Variants in CERS5 observed in about 807,000 individuals in gnomAD.
CERS5 encodes the protein ceramide synthase 5.
A neutral mutation model predicts 58.9 loss-of-function variants in CERS5; 37 were observed. The ratio of observed to expected loss-of-function variants is 0.63; its 90% CI spans 0.48 to 0.83. The LOEUF is 0.83. CERS5 is among the 40% of genes least tolerant of loss of function. CERS5 has a pLI of 0.00. For missense variants in CERS5, 398 were observed against 489.3 expected (o/e 0.81, Z 1.76); for synonymous variants, 147 against 177.8 (o/e 0.83, Z 1.38).
intron 9 of CERS5, chr12:50,133,671 G>C (rs1376849451): frequency 2.0e-6 from 2 of 985,386 alleles, no homozygotes; most frequent in Non-Finnish European, 2.4e-6. Flanking sequence ...AAATGGTTGA[G>C]GCCATCTCTT....
chr12:50,159,265 G>A (rs1233435974), intron 1 of CERS5, among the ~76,000 whole-genome samples: 20 of 152,100 alleles, frequency 1.3e-4, no homozygotes, highest in Admixed American at 1.3e-3. Context: ...AGCTTGCAGT[G>A]AGCCGAGATC....
chr12:50,158,095 ATGTTTTTC>A (rs1938861437), intron 1 of CERS5, among the ~76,000 whole-genome samples: 1 of 149,954 alleles, frequency 6.7e-6, no homozygotes, highest in Non-Finnish European at 1.5e-5. Flanking sequence ...TCTGTAATAG[ATGTTTTTC>A]TCAAGGAATG....
chr12:50,148,522 G>A (rs759429427), intron 1 of CERS5: 27 of 329,172 alleles, frequency 8.2e-5, no homozygotes, highest in Middle Eastern at 7.8e-4. Context: ...TCTTGAACTC[G>A]GGAGACAGAG....
At chr12:50,133,635 A>G (rs1951456417) in intron 9 of CERS5, 1 of 985,426 alleles carries the variant, frequency 1.0e-6, no homozygotes, top group Non-Finnish European at 1.2e-6. Flanking sequence ...TATGAAATCC[A>G]CTGAAGCAGG....
At chr12:50,143,611 G>C (rs1384172321) in intron 2 of CERS5, 1 of 263,930 alleles carries the variant, frequency 3.8e-6, no homozygotes, top group African/African-American at 2.2e-5. Flanking sequence ...AACTGCAAAG[G>C]CTATCAGTAC....
chr12:50,163,960 AT>A (rs34267480), intron 1 of CERS5, among the ~76,000 whole-genome samples: 42,186 of 134,740 alleles, frequency 0.31, 6,064 homozygotes, highest in Middle Eastern at 0.41. Context: ...AGCCTCTACA[AT>A]TTTTTTTTTT....
chr12:50,158,789 A>T (rs1382500400), intron 1 of CERS5, among the ~76,000 whole-genome samples: 2 of 152,194 alleles, frequency 1.3e-5, no homozygotes, highest in African/African-American at 4.8e-5. Flanking sequence ...CTGCTTACTA[A>T]TGCTGACAAT....
At chr12:50,153,595 T>C (rs1334870908) in intron 1 of CERS5, among the ~76,000 whole-genome samples, 6 of 151,828 alleles carry the variant, frequency 4.0e-5, no homozygotes, top group Admixed American at 6.6e-5. Context: ...CATATTGACA[T>C]GTGGGACATT....
At chr12:50,156,610 T>C (rs1420401372) in intron 1 of CERS5, among the ~76,000 whole-genome samples, 2 of 151,682 alleles carry the variant, frequency 1.3e-5, no homozygotes, top group Non-Finnish European at 2.9e-5. Flanking sequence ...AAAAAATTTA[T>C]CAGTATTAGT....
rs1307035954 is a variant in CERS5 at position 50,138,716 on chromosome 12, A to AT, written c.493-100_493-99insA. ...CCTTCTCTCTAGGCTGGGGCAAAAG[A>AT]GGACAGAAAAGCCCCCAAACAGATT... On this transcript the variant is annotated intron_variant, in intron 4 of 9. Transcript: ENST00000317551. 3 of 1,025,124 alleles carry AT rather than the reference A, an allele frequency of 2.9e-6. No homozygotes were observed. In the African/African-American group the frequency reaches 4.7e-5, roughly 16 times the overall value. 63.5% of individuals were successfully genotyped at this position (1,025,124 alleles called of 1,614,324 possible).
Position 50,143,182 on chromosome 12 carries a change from TC to T in CERS5, c.325del (p.Glu109ArgfsTer107). Reference protein sequence around the residue: ...ITKYPDKKRLEGLSKQLDWNV... With the variant: ...ITKYPDKKRLXGLSKQLDWNV... ...CCAATCCAGCTGCTTTGACAGGCCCTCCAGCCTTTTCTTATCAGGATACTGT... is the reference window on the plus strand; with the variant it reads ...CCAATCCAGCTGCTTTGACAGGCCCTCAGCCTTTTCTTATCAGGATACTGT... On this transcript the variant is annotated frameshift_variant, in exon 3 of 10. Coordinates refer to ENST00000317551, the MANE Select transcript of CERS5 (RefSeq NM_147190.5). LOFTEE classifies it high-confidence loss of function. The T allele has an allele frequency of 6.2e-7, 1 of 1,614,142 alleles. No homozygotes were observed. The highest frequency in any genetic ancestry group is 1.1e-5 in the South Asian group (1 of 91,070).
At chr12:50,153,312 A>C (rs1282055453) in intron 1 of CERS5, among the ~76,000 whole-genome samples, 3 of 112,654 alleles carry the variant, frequency 2.7e-5, no homozygotes, top group Admixed American at 1.2e-4. Flanking sequence ...ACGGAGTCTC[A>C]CTCTGTTGCC....
intron 9 of CERS5, chr12:50,133,685 A>G: frequency 1.9e-5 from 19 of 985,582 alleles, no homozygotes; most frequent in Non-Finnish European, 2.3e-5. Context: ...ATCTCTTAAA[A>G]AACTCTTAAC....
intron 1 of CERS5, chr12:50,144,944 G>T (rs749669785): frequency 2.1e-4 from 87 of 411,284 alleles, no homozygotes; most frequent in Non-Finnish European, 3.1e-4. Flanking sequence ...GACCAGCCTG[G>T]TCAACATAGT....
chr12:50,134,167 G>C (rs754523115), intron 9 of CERS5: 3 of 285,992 alleles, frequency 1.0e-5, no homozygotes, highest in Non-Finnish European at 2.0e-5. Flanking sequence ...GACTGCTTGA[G>C]GCCAGTAGTT....
chr12:50,142,160 C>A, intron 3 of CERS5, 50 bp from the exon 4 acceptor site: 1 of 1,287,884 alleles, frequency 7.8e-7, no homozygotes, highest in African/African-American at 1.5e-5. Context: ...CAAACCAAAG[C>A]CTCTGAGGCT....
In CERS5 at chr12:50,141,954, A is replaced by G. The variant is rs570303805; in HGVS notation, c.492+99T>C. 1.8e-4 allele frequency: 135 copies of G among 764,984 alleles called. 1 individual carries two copies. Among genetic ancestry groups the G allele is most frequent in the African/African-American group, 8.1e-4 (44 of 54,494 alleles). 47.4% of individuals were successfully genotyped at this position (764,984 alleles called of 1,614,324 possible). A position where few individuals can be genotyped will look rare whatever the true frequency, so the allele number is the denominator to read the frequency against. On this transcript the variant is annotated intron_variant, in intron 4 of 9. Transcript: ENST00000317551. ...GACTCCGTCTCAAAAAAAAAAAAAA[A>G]AAAAGAAAAGAAAAAAATCTAAAGG...
intron 3 of CERS5, 28 bp from the exon 4 acceptor site, chr12:50,142,138 C>CA: frequency 6.7e-7 from 1 of 1,484,464 alleles, no homozygotes; most frequent in Middle Eastern, 1.7e-4. Flanking sequence ...AAAGGTTAGA[C>CA]AAATGTCCAC....
chr12:50,134,828 G>T, intron 8 of CERS5, 126 bp from the exon 9 acceptor site: 1 of 802,422 alleles, frequency 1.2e-6, no homozygotes, highest in Non-Finnish European at 2.0e-6. Context: ...TGAAGTTCCA[G>T]GGACCGTCAT....
Sources: allele counts gnomAD v4.1 joint callset (sites outside exome capture counted in the v4.1 genomes callset), GRCh38; gene constraint gnomAD v4.1.1; transcripts MANE v1.5; gene names NCBI Gene and HGNC (gene_info 2026-07-23, HGNC 2026-07-21).